FDXACB1: variants seen among roughly 807,000 people sequenced by gnomAD.
FDXACB1 encodes the protein ferredoxin-fold anticodon-binding domain-containing protein 1.
FDXACB1 carries 41 observed loss-of-function variants against 51.7 expected under a neutral mutation model. That is an observed-to-expected ratio of 0.79 (90% CI 0.62 to 1.03). The LOEUF is 1.03. Ranked by LOEUF, FDXACB1 falls within the 50% of genes least tolerant of loss-of-function variation. FDXACB1 has a pLI of 0.00. For synonymous variants in FDXACB1, 273 were observed against 278.6 expected (o/e 0.98, Z 0.20); for missense variants, 697 against 746.4 (o/e 0.93, Z 0.77).
In FDXACB1 at chr11:111,875,769, G is replaced by C. The variant is rs1964800474; in HGVS notation, c.1028C>G (p.Ala343Gly). The C allele has an allele frequency of 6.2e-7, 1 of 1,613,476 alleles. No homozygotes were observed. The highest frequency in any genetic ancestry group is 1.3e-5 in the African/African-American group (1 of 74,844). Residue 343 changes from alanine (A) to glycine (G), a missense_variant, in exon 5 of 5, where the codon GCC (alanine) becomes GGC (glycine). This residue lies in a region of FDXACB1 where 538 missense variants were observed against 592.2 expected (regional missense o/e 0.91). Coordinates refer to ENST00000260257, the MANE Select transcript of FDXACB1 (RefSeq NM_138378.3). ...GAGAGAAGGTCTAAGGCAGATCTTG[G>C]CCTGGCCACAGGTTCCTTCACAAGC... ...EEACEGTCGQ[A>G]KICLRPSLLV...
In FDXACB1 at chr11:111,875,287, A is replaced by T. The variant is rs782599418; in HGVS notation, c.1510T>A (p.Trp504Arg). 1 of 1,613,942 alleles carries T rather than the reference A, an allele frequency of 6.2e-7. No homozygotes were observed. The highest frequency in any genetic ancestry group is 8.5e-7 in the Non-Finnish European group (1 of 1,179,872). Residue 504 changes from tryptophan (W) to arginine (R), a missense_variant, in exon 5 of 5, where the codon TGG becomes AGG. Coordinates refer to ENST00000260257, the MANE Select transcript of FDXACB1 (RefSeq NM_138378.3). ...TTATCAAACGTCCACAACATTCTCC[A>T]GTCAGAGATACACCAGACAAGCATG... ...LAMLVWCISD[W>R]RMLWTFDNRF...
chr11:111,877,970 A>G lies in FDXACB1; in HGVS notation c.329+586T>C, dbSNP rs995628040. 4.1e-4 allele frequency among the ~76,000 whole-genome samples: 62 copies of G among 151,828 alleles called. 1 individual carries two copies. Among genetic ancestry groups the G allele is most frequent in the Admixed American group, 2.4e-3 (36 of 15,254 alleles). On this transcript the variant is annotated intron_variant, in intron 2 of 4. Transcript: ENST00000260257. Reference sequence around the variant, plus strand: ...TAGGAGGCCAAGGCAGGCGGATCACAAGGTCAGGAGATCGACACCATCCTG... The same window carrying G: ...TAGGAGGCCAAGGCAGGCGGATCACGAGGTCAGGAGATCGACACCATCCTG...
rs782339276 is a variant in FDXACB1 at position 111,875,189 on chromosome 11, A to C, written c.1608T>G (p.Tyr536Ter). ...CTATCCAAAAACTAACATCATGCACATAACATGGAGGATACAGAGAATGAC... is the reference window on the plus strand; with the variant it reads ...CTATCCAAAAACTAACATCATGCACCTAACATGGAGGATACAGAGAATGAC... ...FKSHSLYPPC[Y>*]VHDVSFWIDQ... Residue 536 changes from tyrosine to a stop codon, truncating the protein, a stop_gained, in exon 5 of 5, where the codon TAT (tyrosine) becomes TAG (stop). Coordinates refer to ENST00000260257, the MANE Select transcript of FDXACB1 (RefSeq NM_138378.3). LOFTEE classifies it high-confidence loss of function. 1.2e-6 allele frequency: 2 copies of C among 1,613,864 alleles called. No homozygotes were observed. The highest frequency in any genetic ancestry group is 1.7e-6 in the Non-Finnish European group (2 of 1,179,890).
Position 111,876,890 on chromosome 11 carries a change from C to A in FDXACB1, c.451G>T (p.Ala151Ser), listed in dbSNP as rs1555162245. 1 of 1,613,426 alleles carries A rather than the reference C, an allele frequency of 6.2e-7. No individual in the cohort carries two copies. Among genetic ancestry groups the A allele is most frequent in the Non-Finnish European group, 8.5e-7 (1 of 1,179,616 alleles). Residue 151 changes from alanine to serine, a missense_variant, in exon 3 of 5, where the codon GCA (alanine) becomes TCA (serine). Ala to Ser is a moderately conservative substitution (Grantham distance 99, BLOSUM62 1). This residue lies in a region of FDXACB1 where 538 missense variants were observed against 592.2 expected (regional missense o/e 0.91). Coordinates refer to ENST00000260257, the MANE Select transcript of FDXACB1 (RefSeq NM_138378.3). ...CTTAAAATGAGCCCCCCCAGGGCTG[C>A]CATGGCAACCACTTGCCAACTGTTG... ...WHNSWQVVAM[A>S]ALGGLILSDV... is the part of the protein sequence containing the mutation.
chr11:111,879,154 C>G lies in FDXACB1; in HGVS notation c.-22G>C. On this transcript the variant is annotated 5_prime_UTR_variant, in exon 1 of 5. Coordinates refer to ENST00000260257, the MANE Select transcript of FDXACB1 (RefSeq NM_138378.3). ...CCATGGCCTCCACGGACTCCCGGCT[C>G]GCGTTCTCTGTGGCGCTCGTTTTAC... 6.3e-7 allele frequency: 1 copy of G among 1,595,808 alleles called. No individual in the cohort carries two copies. The highest frequency in any genetic ancestry group is 8.5e-7 in the Non-Finnish European group (1 of 1,170,828).
chr11:111,878,250 T>C (rs147303879), intron 2 of FDXACB1, among the ~76,000 whole-genome samples: 1 of 152,330 alleles, frequency 6.6e-6, no homozygotes, highest in East Asian at 1.9e-4. Context: ...GGGCTGGGAT[T>C]TGAATCCAGG....
chr11:111,878,666 G>C lies in FDXACB1; in HGVS notation c.219C>G (p.Val73=). 1 of 1,611,636 alleles carries C rather than the reference G, an allele frequency of 6.2e-7. No homozygotes were observed. Among genetic ancestry groups the C allele is most frequent in the Non-Finnish European group, 8.5e-7 (1 of 1,178,888 alleles). ...CAAATTCTCTCTCGTGCAGTTCAAA[G>C]ACATCTGCCAGCTGGGTGCAGTCCA... The part of the protein sequence containing the change: ...FGVDCTQLAD[V]FELHEREFDQ... Residue 73 remains valine (V), a synonymous_variant, in exon 2 of 5, where the codon GTC becomes GTG. Transcript: ENST00000260257.
At position 111,876,612 on chromosome 11, in the gene FDXACB1, T is replaced by G; in HGVS notation, c.561A>C (p.Glu187Asp). 6.2e-7 allele frequency: 1 copy of G among 1,613,846 alleles called. No homozygotes were observed. Among genetic ancestry groups the G allele is most frequent in the South Asian group, 1.1e-5 (1 of 91,060 alleles). The stretch of plus-strand genomic sequence containing the variant: ...TGGTGAAGATATGGTTCAAAGCACC[T>G]TCTACATGAAAGGACTTATCTTGAC... Reference protein sequence around the residue: ...YRSQDKSFHVEGALNHIFTRS... With the variant: ...YRSQDKSFHVDGALNHIFTRS... Residue 187 changes from glutamate (E) to aspartate (D), a missense_variant, in exon 4 of 5, where the codon GAA (glutamate) becomes GAC (aspartate). By Grantham distance (45) the Glu-to-Asp change is conservative (BLOSUM62 2). Transcript: ENST00000260257.
Position 111,875,386 on chromosome 11 carries a change from T to G in FDXACB1, c.1411A>C (p.Ile471Leu). ...CTEDLIIGSV[I>L]TSATSVIHKD... ...TGTATAACACTAGTGGCAGATGTGA[T>G]AACAGACCCAATAATTAGATCCTCA... The change falls in exon 5 of 5, where the codon ATC becomes CTC. Residue 471 changes from isoleucine to leucine, a missense_variant. By Grantham distance (5) the Ile-to-Leu change is conservative (BLOSUM62 2). Around this residue, in one of 3 missense-constraint regions of FDXACB1, gnomAD observed 538 missense variants for 592.2 expected, o/e 0.91. Coordinates refer to ENST00000260257, the MANE Select transcript of FDXACB1 (RefSeq NM_138378.3). 6.2e-7 allele frequency: 1 copy of G among 1,613,790 alleles called. No homozygotes were observed. The highest frequency in any genetic ancestry group is 8.5e-7 in the Non-Finnish European group (1 of 1,179,864).
In FDXACB1 at chr11:111,875,993, CA is replaced by C; in HGVS notation, c.803del (p.Leu268CysfsTer36). 6.2e-7 allele frequency: 1 copy of C among 1,613,946 alleles called. No homozygotes were observed. Among genetic ancestry groups the C allele is most frequent in the Non-Finnish European group, 8.5e-7 (1 of 1,179,884 alleles). On this transcript the variant is annotated frameshift_variant, in exon 5 of 5. Transcript: ENST00000260257. LOFTEE classifies it high-confidence loss of function. The stretch of plus-strand genomic sequence containing the variant: ...GAACACTGGTACCTTCCTGTGGCAG[CA>C]AAGGGTAGGAACACTTCAGCCTTTT... ...PLKRLKCSYP[L>X]LPQEGTSVLP... is the part of the protein sequence containing the mutation.
At chr11:111,878,494 G>A in intron 2 of FDXACB1, 62 bp downstream of exon 2, 1 of 1,488,414 alleles carries the variant, frequency 6.7e-7, no homozygotes, top group Non-Finnish European at 9.0e-7. Flanking sequence ...TTATGTTTGG[G>A]TACAGTAACT....
At position 111,874,801 on chromosome 11, in the gene FDXACB1, G is replaced by T; in HGVS notation, c.*121C>A. On this transcript the variant is annotated 3_prime_UTR_variant, in exon 5 of 5. Transcript: ENST00000260257. ...AAAAGATCAACGAACAGTAGCTATG[G>T]TCACAAAGTAAAAGATTTTACAAAA... 1 of 816,826 alleles carries T rather than the reference G, an allele frequency of 1.2e-6. No individual in the cohort carries two copies. Among genetic ancestry groups the T allele is most frequent in the Non-Finnish European group, 1.9e-6 (1 of 532,816 alleles). 50.6% of individuals were successfully genotyped at this position (816,826 alleles called of 1,614,324 possible). A position where few individuals can be genotyped will look rare whatever the true frequency, so the allele number is the denominator to read the frequency against.
Position 111,879,145 on chromosome 11 carries a change from C to T in FDXACB1, c.-13G>A, listed in dbSNP as rs782528682. ...GCCGAGGGGCCATGGCCTCCACGGA[C>T]TCCCGGCTCGCGTTCTCTGTGGCGC... On this transcript the variant is annotated 5_prime_UTR_variant, in exon 1 of 5. Transcript: ENST00000260257. 3 of 1,599,866 alleles carry T rather than the reference C, an allele frequency of 1.9e-6. No homozygotes were observed. The South Asian group carries it at 3.3e-5, about 18-fold the overall frequency.
In FDXACB1 at chr11:111,876,941, C is replaced by T; in HGVS notation, c.400G>A (p.Ala134Thr). The change falls in exon 3 of 5, where the codon GCG (alanine) becomes ACG (threonine). Residue 134 changes from alanine to threonine, a missense_variant. Ala to Thr is a moderately conservative substitution (Grantham distance 58). Around this residue, in one of 3 missense-constraint regions of FDXACB1, gnomAD observed 538 missense variants for 592.2 expected, o/e 0.91. Transcript: ENST00000260257. The part of the protein sequence containing the change: ...ALCRGQGGTP[A>T]DKPQREWHNS... ...TGCCATTCTCTCTGGGGCTTATCCG[C>T]AGGAGTTCCACCTTGTCCTCTACAT... 6.2e-7 allele frequency: 1 copy of T among 1,609,534 alleles called. No individual in the cohort carries two copies. Among genetic ancestry groups the T allele is most frequent in the South Asian group, 1.1e-5 (1 of 90,186 alleles).
At position 111,875,346 on chromosome 11, in the gene FDXACB1, AAACACTGGTCTTTATGTAT is replaced by A. The variant is rs781867117; in HGVS notation, c.1432_1450del (p.Ile478LeufsTer6). 23 of 1,613,852 alleles carry A rather than the reference AAACACTGGTCTTTATGTAT, an allele frequency of 1.4e-5. No homozygotes were observed. The South Asian group carries it at 2.4e-4, about 17-fold the overall frequency. On this transcript the variant is annotated frameshift_variant, in exon 5 of 5. Coordinates refer to ENST00000260257, the MANE Select transcript of FDXACB1 (RefSeq NM_138378.3). LOFTEE classifies it high-confidence loss of function. ...GTCCAAGTTCATAGACACAAACACA[AAACACTGGTCTTTATGTAT>A]AACACTAGTGGCAGATGTGATAACA... is the stretch of plus-strand genomic sequence containing the variant.
chr11:111,875,432 A>G lies in FDXACB1; in HGVS notation c.1365T>C (p.His455=), dbSNP rs782372083. The part of the protein sequence containing the change: ...GKDYMIRVKT[H]NFSPDCTEDL... Reference sequence around the variant, plus strand: ...CCTCAGTACAATCTGGGCTAAAATTATGAGTCTTCACACGAATCATATAAT... The same window carrying G: ...CCTCAGTACAATCTGGGCTAAAATTGTGAGTCTTCACACGAATCATATAAT... The change falls in exon 5 of 5, where the codon CAT becomes CAC. Residue 455 remains histidine, a synonymous_variant. Coordinates refer to ENST00000260257, the MANE Select transcript of FDXACB1 (RefSeq NM_138378.3). 2 of 1,613,532 alleles carry G rather than the reference A, an allele frequency of 1.2e-6. No individual in the cohort carries two copies. The highest frequency in any genetic ancestry group is 4.5e-5 in the East Asian group (2 of 44,880).
rs751078787 is a variant in FDXACB1, at chr11:111,875,080, G to A, written c.1717C>T (p.Leu573Phe). Residue 573 changes from leucine to phenylalanine, a missense_variant, in exon 5 of 5, where the codon CTT (leucine) becomes TTT (phenylalanine). Leu to Phe is a conservative substitution (Grantham distance 22). Around this residue, in one of 3 missense-constraint regions of FDXACB1, gnomAD observed 538 missense variants for 592.2 expected, o/e 0.91. Coordinates refer to ENST00000260257, the MANE Select transcript of FDXACB1 (RefSeq NM_138378.3). Reference protein sequence around the residue: ...SQDTIISIQFLSRFQHPKTQQ... With the variant: ...SQDTIISIQFFSRFQHPKTQQ... ...GTCTTTGGATGCTGGAAACGGCTAA[G>A]AAACTGTATGGATATAATAGTGTCC... 10 of 1,613,946 alleles carry A rather than the reference G, an allele frequency of 6.2e-6. No individual in the cohort carries two copies. Among genetic ancestry groups the A allele is most frequent in the Non-Finnish European group, 7.6e-6 (9 of 1,179,890 alleles).
At position 111,874,978 on chromosome 11, in the gene FDXACB1, T is replaced by C. The variant is rs142227201; in HGVS notation, c.1819A>G (p.Met607Val). The part of the protein sequence containing the change: ...KALTQQQVAS[M>V]QSQFRKEIQQ... ...ATCTCCTTCCTAAACTGGGACTGCA[T>C]TGATGCTACTTGCTGCTGGGTGAGG... The change falls in exon 5 of 5, where the codon ATG becomes GTG. Residue 607 changes from methionine to valine, a missense_variant. Met to Val is a conservative substitution (Grantham distance 21). Transcript: ENST00000260257. 1.0e-4 allele frequency: 168 copies of C among 1,614,000 alleles called. No homozygotes were observed. Among genetic ancestry groups the C allele is most frequent in the Middle Eastern group, 8.2e-4 (5 of 6,062 alleles).
At chr11:111,878,811 C>A in intron 1 of FDXACB1, 99 bp from the exon 2 acceptor site, 1 of 1,508,230 alleles carries the variant, frequency 6.6e-7, no homozygotes, top group South Asian at 1.3e-5. Context: ...CAGACCAGCC[C>A]AAGTCTGGGC....
Sources: allele counts gnomAD v4.1 joint callset (sites outside exome capture counted in the v4.1 genomes callset), GRCh38; gene constraint gnomAD v4.1.1; regional missense constraint gnomAD v4.1.1; transcripts MANE v1.5; gene names NCBI Gene and HGNC (gene_info 2026-07-23, HGNC 2026-07-21).